Variants in PCTP observed in about 807,000 individuals in gnomAD.
The protein encoded by PCTP is phosphatidylcholine transfer protein, also known as START domain-containing protein 2.
Under a neutral mutation model 31.0 loss-of-function variants are expected in PCTP, and 27 were observed. The observed-to-expected ratio is 0.87, with a 90% CI of 0.64 to 1.20. The LOEUF is 1.20. Among genes scored for constraint, PCTP ranks in the 50% most tolerant of loss-of-function variants. PCTP has a pLI of 0.00. For missense variants in PCTP, 287 were observed against 268.2 expected (o/e 1.07, Z -0.49); for synonymous variants, 108 against 101.2 (o/e 1.07, Z -0.40).
rs1911343658 is a variant in PCTP, at chr17:55,776,597, A to G, written c.*497A>G. 1 of 1,231,026 alleles carries G rather than the reference A, an allele frequency of 8.1e-7. No individual in the cohort carries two copies. The highest frequency in any genetic ancestry group is 4.2e-5 in the Admixed American group (1 of 23,714). 76.3% of individuals were successfully genotyped at this position (1,231,026 alleles called of 1,614,324 possible). On this transcript the variant is annotated 3_prime_UTR_variant, in exon 6 of 6. Coordinates refer to ENST00000268896, the MANE Select transcript of PCTP (RefSeq NM_021213.4). ...GGCATTTCGTTCAGAGCTGACTTTCAGTGCACCCAAACTGGATGACGTGCC... is the reference window on the plus strand; with the variant it reads ...GGCATTTCGTTCAGAGCTGACTTTCGGTGCACCCAAACTGGATGACGTGCC...
At chr17:55,845,890 GTGTGTGTGTGT>G (rs1567738078), downstream of PCTP, among the ~76,000 whole-genome samples, 1 of 115,070 alleles carries the variant, frequency 8.7e-6, no homozygotes, top group Non-Finnish European at 1.8e-5. Context: ...GGGTTGGGGT[GTGTGTGTGTGT>G]GTGTGTGTGT....
Position 55,776,639 on chromosome 17 carries a change from A to T in PCTP, c.*539A>T, listed in dbSNP as rs1418409081. On this transcript the variant is annotated 3_prime_UTR_variant, in exon 6 of 6. Coordinates refer to ENST00000268896, the MANE Select transcript of PCTP (RefSeq NM_021213.4). ...TGACGTGCCAATGTCCATTTGCCTT[A>T]TGCTTTGTGGAGCTGATTAGGCTGG... The T allele has an allele frequency of 2.4e-6, 3 of 1,229,702 alleles. No homozygotes were observed. Among genetic ancestry groups the T allele is most frequent in the Non-Finnish European group, 2.0e-6 (2 of 987,336 alleles). The allele number at this position is 1,229,702 out of a possible 1,614,324, so 76.2% of individuals were successfully genotyped here. A position where few individuals can be genotyped will look rare whatever the true frequency, so the allele number is the denominator to read the frequency against.
intron 1 of PCTP, among the ~76,000 whole-genome samples, chr17:55,754,555 G>A (rs923108402): frequency 6.6e-6 from 1 of 152,144 alleles, no homozygotes; most frequent in African/African-American, 2.4e-5. Context: ...TCATTGGCTA[G>A]GCATGATTGA....
At chr17:55,775,168 T>TA in intron 5 of PCTP, 1 of 1,187,994 alleles carries the variant, frequency 8.4e-7, no homozygotes. Flanking sequence ...GGAACAATAG[T>TA]GCCTTTGGAG....
intron 3 of PCTP, among the ~76,000 whole-genome samples, chr17:55,805,590 G>GTA (rs1267982239): frequency 1.3e-5 from 2 of 151,386 alleles, no homozygotes; most frequent in Non-Finnish European, 2.9e-5. Flanking sequence ...ACACATATAT[G>GTA]TATATATATA....
At chr17:55,765,125 T>C (rs974013575) in intron 1 of PCTP, among the ~76,000 whole-genome samples, 4 of 152,242 alleles carry the variant, frequency 2.6e-5, no homozygotes, top group African/African-American at 9.6e-5. Context: ...GCAGATTTCT[T>C]TTGTTTTTCA....
downstream of PCTP, among the ~76,000 whole-genome samples, chr17:55,825,841 A>G (rs753970504): frequency 1.3e-5 from 2 of 152,170 alleles, no homozygotes; most frequent in Non-Finnish European, 1.5e-5. Flanking sequence ...ATTCCTCCTC[A>G]TTCTGACTGC....
chr17:55,751,667 GA>G (rs373918914), intron 1 of PCTP, among the ~76,000 whole-genome samples: 2,348 of 152,274 alleles, frequency 0.015, 40 homozygotes, highest in South Asian at 0.055. Context: ...AAAAGAAACA[GA>G]ACTTTTCAAG....
At chr17:55,791,711 T>C (rs1361605503) in intron 3 of PCTP, among the ~76,000 whole-genome samples, 3 of 152,096 alleles carry the variant, frequency 2.0e-5, no homozygotes, top group Non-Finnish European at 4.4e-5. Context: ...GTTGGTGGGA[T>C]TGTAAACTAG....
the PCTP span, among the ~76,000 whole-genome samples, chr17:55,850,403 A>G: frequency 6.6e-6 from 1 of 152,230 alleles, no homozygotes; most frequent in African/African-American, 2.4e-5. Context: ...TGCTCTTAAA[A>G]TGCATATATA....
At chr17:55,753,425 T>C (rs1173252199) in intron 1 of PCTP, among the ~76,000 whole-genome samples, 3 of 152,270 alleles carry the variant, frequency 2.0e-5, no homozygotes, top group Non-Finnish European at 2.9e-5. Flanking sequence ...AGGTGCTAAG[T>C]GTTTTGGAAG....
downstream of PCTP, among the ~76,000 whole-genome samples, chr17:55,844,691 A>G (rs555095424): frequency 6.6e-6 from 1 of 152,120 alleles, no homozygotes; most frequent in Non-Finnish European, 1.5e-5. Context: ...ATTTACTGAT[A>G]TAATTATGGA....
At chr17:55,779,737 G>A (rs1170353260), downstream of PCTP, among the ~76,000 whole-genome samples, 2 of 152,160 alleles carry the variant, frequency 1.3e-5, no homozygotes, top group African/African-American at 4.8e-5. Flanking sequence ...ATTGTGTGGG[G>A]CTACTCAAGG....
At chr17:55,779,343 G>GT (rs1277979811), downstream of PCTP, among the ~76,000 whole-genome samples, 1 of 152,226 alleles carries the variant, frequency 6.6e-6, no homozygotes, top group African/African-American at 2.4e-5. Context: ...CAGTAACCAA[G>GT]TTTGAGGAGC....
At chr17:55,800,744 T>C (rs1378997953) in intron 3 of PCTP, among the ~76,000 whole-genome samples, 1 of 152,178 alleles carries the variant, frequency 6.6e-6, no homozygotes, top group African/African-American at 2.4e-5. Flanking sequence ...CACTGTTTTT[T>C]TCCTCATCTT....
downstream of PCTP, among the ~76,000 whole-genome samples, chr17:55,823,518 CT>C (rs1184555157): frequency 1.3e-5 from 2 of 152,128 alleles, no homozygotes; most frequent in Non-Finnish European, 2.9e-5. Context: ...ATCAGCAGAT[CT>C]TTTTTTATTC....
rs373843923 is a variant in PCTP at position 55,765,665 on chromosome 17, A to G, written c.142-1670A>G. ...CAGCAAGAATCACCTTTAAAAAATTAATTTGATTGCGTCATTCTTAAACTG... is the reference window on the plus strand; with the variant it reads ...CAGCAAGAATCACCTTTAAAAAATTGATTTGATTGCGTCATTCTTAAACTG... On this transcript the variant is annotated intron_variant, in intron 1 of 5. Coordinates refer to ENST00000268896, the MANE Select transcript of PCTP (RefSeq NM_021213.4). Among the ~76,000 whole-genome samples, 23 of 152,332 alleles carry G rather than the reference A, an allele frequency of 1.5e-4. No individual in the cohort carries two copies. The East Asian group carries it at 3.7e-3, about 24-fold the overall frequency.
intron 3 of PCTP, among the ~76,000 whole-genome samples, chr17:55,771,614 G>A (rs1911010667): frequency 6.6e-6 from 1 of 152,170 alleles, no homozygotes; most frequent in Admixed American, 6.5e-5. Flanking sequence ...TGGAACTCAG[G>A]CCTCTGCATT....
At chr17:55,792,214 A>C (rs1428845861) in intron 3 of PCTP, among the ~76,000 whole-genome samples, 3 of 149,316 alleles carry the variant, frequency 2.0e-5, no homozygotes, top group South Asian at 2.2e-4. Flanking sequence ...CTAGATGACG[A>C]GTTAGTGGGT....
Sources: allele counts gnomAD v4.1 joint callset (sites outside exome capture counted in the v4.1 genomes callset), GRCh38; gene constraint gnomAD v4.1.1; transcripts MANE v1.5; gene names NCBI Gene and HGNC (gene_info 2026-07-23, HGNC 2026-07-21).